The following SLC16A12 variants were observed in gnomAD, a reference collection of about 807,000 sequenced individuals.
The protein encoded by SLC16A12 is solute carrier family 16 member 12.
In SLC16A12, 17 loss-of-function variants were observed where a neutral mutation model predicts 42.4. The observed-to-expected ratio is 0.40, with a 90% CI of 0.27 to 0.60. SLC16A12 has a LOEUF of 0.60. Among genes scored for constraint, SLC16A12 ranks in the 20% least tolerant of loss-of-function variants. The probability of loss-of-function intolerance (pLI) is 0.42; values close to 1 mark genes in which losing one functional copy is unlikely to be tolerated. For synonymous variants in SLC16A12, 224 were observed against 229.4 expected, an observed-to-expected ratio of 0.98 and a Z score of 0.21; for missense variants, 544 against 623.0, an observed-to-expected ratio of 0.87 and a Z score of 1.35.
intron 3 of SLC16A12, among the ~76,000 whole-genome samples, chr10:89,456,505 T>C (rs757272535): frequency 1.3e-5 from 2 of 152,164 alleles, no homozygotes; most frequent in African/African-American, 2.4e-5. Flanking sequence ...CAATTACACA[T>C]GAAGTATGAT....
intron 7 of SLC16A12, among the ~76,000 whole-genome samples, chr10:89,434,330 C>A (rs746889886): frequency 3.9e-5 from 6 of 152,144 alleles, no homozygotes; most frequent in Non-Finnish European, 5.9e-5. Flanking sequence ...AGTATCATGT[C>A]TGATTTGCCA....
Position 89,439,005 on chromosome 10 carries a change from A to C in SLC16A12, c.627T>G (p.Ile209Met). The change falls in exon 6 of 8, where the codon ATT becomes ATG. Residue 209 changes from isoleucine to methionine, a missense_variant. Transcript: ENST00000371790. ...AGAGATTCAAGACAAAGCCCCCAAG[A>C]ATGAGTAAGGCTCCCCGCCAGGAAA... ...EQFSWRGALL[I>M]LGGFVLNLCV... 1 of 1,614,152 alleles carries C rather than the reference A, an allele frequency of 6.2e-7. No homozygotes were observed. The highest frequency in any genetic ancestry group is 8.5e-7 in the Non-Finnish European group (1 of 1,180,026).
Position 89,466,468 on chromosome 10 carries a change from GC to G in SLC16A12, c.-46-3845del, listed in dbSNP as rs528201038. Among the ~76,000 whole-genome samples, 559 of 152,272 alleles carry G rather than the reference GC, an allele frequency of 3.7e-3. 4 individuals carry two copies. The highest frequency in any genetic ancestry group is 5.4e-3 in the Non-Finnish European group (368 of 68,018). ...TTGTTTGTACAAAAAATTACCTTCT[GC>G]CTACTTCACAGAATCATACTTATAG... On this transcript the variant is annotated intron_variant, in intron 2 of 7. Coordinates refer to ENST00000371790, the MANE Select transcript of SLC16A12 (RefSeq NM_213606.4).
At chr10:89,506,238 G>A (rs903029166) in intron 2 of SLC16A12, among the ~76,000 whole-genome samples, 1 of 152,192 alleles carries the variant, frequency 6.6e-6, no homozygotes, top group African/African-American at 2.4e-5. Flanking sequence ...CAGACAGACT[G>A]CCTCCTCAAC....
chr10:89,526,469 A>C (rs7076750), intron 2 of SLC16A12, among the ~76,000 whole-genome samples: 7,660 of 152,280 alleles, frequency 0.05, 471 homozygotes, highest in African/African-American at 0.15. Context: ...CAAAGTTATA[A>C]AGTTATTAAG....
chr10:89,553,355 C>T (rs1207949803), intron 2 of SLC16A12, among the ~76,000 whole-genome samples: 2 of 152,178 alleles, frequency 1.3e-5, no homozygotes, highest in African/African-American at 2.4e-5. Context: ...CCCTCTCTGA[C>T]AATCAACATT....
chr10:89,484,984 T>C (rs1250200003), intron 2 of SLC16A12, among the ~76,000 whole-genome samples: 1 of 152,168 alleles, frequency 6.6e-6, no homozygotes, highest in Non-Finnish European at 1.5e-5. Flanking sequence ...ATTCTGAGAT[T>C]CTATGTCTTT....
chr10:89,529,759 G>T (rs919658098), intron 2 of SLC16A12, among the ~76,000 whole-genome samples: 5 of 151,908 alleles, frequency 3.3e-5, no homozygotes, highest in African/African-American at 1.2e-4. Context: ...TGTTGGCCAC[G>T]CTAGTCTCGA....
chr10:89,544,511 T>G (rs2133886491), intron 2 of SLC16A12, among the ~76,000 whole-genome samples: 1 of 152,368 alleles, frequency 6.6e-6, no homozygotes, highest in East Asian at 1.9e-4. Flanking sequence ...GTTCAAACTT[T>G]TATCTCATTA....
In SLC16A12 at chr10:89,475,318, G is replaced by C. The variant is rs978629842; in HGVS notation, c.-46-12694C>G. Among the ~76,000 whole-genome samples the C allele has an allele frequency of 3.3e-5, 5 of 152,074 alleles. 1 individual carries two copies. The South Asian group carries it at 8.3e-4, about 25-fold the overall frequency. ...GTAGCCTTACAGACTTCTATCCTAG[G>C]GGCAAACTCGAGTTCCAAAGGGACT... is the stretch of plus-strand genomic sequence containing the variant. On this transcript the variant is annotated intron_variant, in intron 2 of 7. Coordinates refer to ENST00000371790, the MANE Select transcript of SLC16A12 (RefSeq NM_213606.4).
chr10:89,482,445 A>G (rs1200685894), intron 2 of SLC16A12, among the ~76,000 whole-genome samples: 1 of 152,180 alleles, frequency 6.6e-6, no homozygotes, highest in Non-Finnish European at 1.5e-5. Context: ...AGAAAACAGT[A>G]TCATGGTCAA....
At chr10:89,440,237 C>A (rs189812080) in intron 5 of SLC16A12, among the ~76,000 whole-genome samples, 1 of 152,230 alleles carries the variant, frequency 6.6e-6, no homozygotes, top group African/African-American at 2.4e-5. Context: ...TGCACAGTAG[C>A]CAGCAACCCA....
At chr10:89,456,880 C>T (rs935924248) in intron 3 of SLC16A12, among the ~76,000 whole-genome samples, 1 of 152,112 alleles carries the variant, frequency 6.6e-6, no homozygotes, top group Non-Finnish European at 1.5e-5. Flanking sequence ...AGGACATGAT[C>T]TTATTCCTTT....
chr10:89,462,673 G>A lies in SLC16A12; in HGVS notation c.-46-49C>T. 6.8e-6 allele frequency: 10 copies of A among 1,477,506 alleles called. No homozygotes were observed. In the South Asian group the frequency reaches 1.2e-4, roughly 18 times the overall value. The allele number at this position is 1,477,506 out of a possible 1,614,324, so 91.5% of individuals were successfully genotyped here. On this transcript the variant is annotated intron_variant, in intron 2 of 7. Transcript: ENST00000371790. ...TTTATATCTTATTGCTATGTCCAAA[G>A]GTTGATTTTTCTTCACTTGGTAAGA...
intron 3 of SLC16A12, among the ~76,000 whole-genome samples, chr10:89,461,973 A>T (rs1205417189): frequency 6.6e-6 from 1 of 152,210 alleles, no homozygotes; most frequent in Non-Finnish European, 1.5e-5. Context: ...ACATCCTTCC[A>T]CATCTTCTGG....
chr10:89,482,236 C>CAAAAAAAAAAA (rs368466973), intron 2 of SLC16A12, among the ~76,000 whole-genome samples: 1 of 106,516 alleles, frequency 9.4e-6, no homozygotes, highest in African/African-American at 3.6e-5. Context: ...AAGAATACAC[C>CAAAAAAAAAAA]AAAAAAAAAA....
intron 2 of SLC16A12, among the ~76,000 whole-genome samples, chr10:89,472,384 G>A (rs904919513): frequency 6.6e-6 from 1 of 151,762 alleles, no homozygotes; most frequent in African/African-American, 2.4e-5. Flanking sequence ...GGAAGACTTG[G>A]AAGATGTCAT....
intron 2 of SLC16A12, among the ~76,000 whole-genome samples, chr10:89,491,465 C>G (rs1009561626): frequency 6.6e-6 from 1 of 151,548 alleles, no homozygotes; most frequent in South Asian, 2.1e-4. Flanking sequence ...AGATTGTGCC[C>G]TATTTTCCTA....
At chr10:89,555,537 A>G (rs1564607471) in intron 2 of SLC16A12, among the ~76,000 whole-genome samples, 2 of 144,324 alleles carry the variant, frequency 1.4e-5, no homozygotes, top group Non-Finnish European at 3.0e-5. Context: ...ATATATACGT[A>G]TGTATGTATA....
Sources: gnomAD v4.1 joint callset for allele counts (sites outside exome capture counted in the v4.1 genomes callset) on GRCh38, gnomAD v4.1.1 for gene constraint, MANE v1.5 for transcripts, NCBI Gene and HGNC (gene_info 2026-07-23, HGNC 2026-07-21) for gene names.